The following ZBTB20 variants were observed in gnomAD, a reference collection of about 807,000 sequenced individuals.
ZBTB20 encodes the protein zinc finger and BTB domain containing 20.
Under a neutral mutation model 56.9 loss-of-function variants are expected in ZBTB20, and 9 were observed. The ratio of observed to expected loss-of-function variants is 0.16; its 90% CI spans 0.10 to 0.28. The LOEUF (loss-of-function observed/expected upper bound fraction) is 0.28. Ranked by LOEUF, ZBTB20 falls within the 10% of genes least tolerant of loss-of-function variation. The pLI, the probability that ZBTB20 is intolerant of heterozygous loss-of-function variation, is 1.00. For missense variants in ZBTB20, 655 were observed against 1,003.0 expected (o/e 0.65, Z 4.69); for synonymous variants, 417 against 420.7 (o/e 0.99, Z 0.11).
At chr3:115,146,240 T>C (rs55654288) in intron 1 of ZBTB20, among the ~76,000 whole-genome samples, 1 of 152,196 alleles carries the variant, frequency 6.6e-6, no homozygotes, top group Non-Finnish European at 1.5e-5. Context: ...CTGTACGCCA[T>C]ATTGTGTTTT....
At position 114,322,119 on chromosome 3, in the gene ZBTB20, A is replaced by G. The variant is rs1182606857; in HGVS notation, c.*16886T>C. 6.6e-6 allele frequency: 1 copy of G among 152,228 alleles called. No homozygotes were observed. Among genetic ancestry groups the G allele is most frequent in the East Asian group, 1.9e-4 (1 of 5,202 alleles). 9.4% of individuals were successfully genotyped at this position (152,228 alleles called of 1,614,324 possible). ...TCACTGCTGTTGGCTCTGGCCATAC[A>G]GAACCCTGATCTGCACTGTGTACAT... is the stretch of plus-strand genomic sequence containing the variant. On this transcript the variant is annotated 3_prime_UTR_variant, in exon 12 of 12. Coordinates refer to ENST00000675478, the MANE Select transcript of ZBTB20 (RefSeq NM_001348800.3).
intron 4 of ZBTB20, among the ~76,000 whole-genome samples, chr3:114,817,418 T>C (rs1423259135): frequency 6.6e-6 from 1 of 151,944 alleles, no homozygotes; most frequent in African/African-American, 2.4e-5. Flanking sequence ...CTCAGGAAGC[T>C]GAGGCAGGAG....
intron 2 of ZBTB20, among the ~76,000 whole-genome samples, chr3:115,023,645 CT>C (rs2080296940): frequency 6.6e-6 from 1 of 150,812 alleles, no homozygotes; most frequent in African/African-American, 2.4e-5. Context: ...ACTCTTTGTA[CT>C]TTTTTCCTTT....
chr3:115,126,999 ACTT>A (rs2084351189), intron 1 of ZBTB20, among the ~76,000 whole-genome samples: 1 of 152,240 alleles, frequency 6.6e-6, no homozygotes, highest in African/African-American at 2.4e-5. Context: ...ATTTAGTAGT[ACTT>A]CTCACACTTT....
chr3:114,779,898 C>T (rs1264675692), intron 5 of ZBTB20, among the ~76,000 whole-genome samples: 2 of 152,160 alleles, frequency 1.3e-5, no homozygotes, highest in African/African-American at 4.8e-5. Flanking sequence ...ATAAACACCC[C>T]TTGATTACAC....
At chr3:114,426,662 C>T (rs1251306165) in intron 7 of ZBTB20, among the ~76,000 whole-genome samples, 1 of 152,170 alleles carries the variant, frequency 6.6e-6, no homozygotes, top group East Asian at 1.9e-4. Context: ...GGAATAATCC[C>T]TCATGCACTG....
chr3:114,483,621 A>T (rs2041793111), intron 7 of ZBTB20, among the ~76,000 whole-genome samples: 1 of 152,192 alleles, frequency 6.6e-6, no homozygotes. Flanking sequence ...CCAGAAATTT[A>T]GAAAATGCAG....
intron 5 of ZBTB20, among the ~76,000 whole-genome samples, chr3:114,766,529 GTA>G (rs1491027521): frequency 2.0e-5 from 3 of 149,070 alleles, no homozygotes; most frequent in East Asian, 2.0e-4. Context: ...GTGTGTGTGT[GTA>G]TAAGCTAAGC....
intron 6 of ZBTB20, among the ~76,000 whole-genome samples, chr3:114,667,147 C>T (rs190540795): frequency 4.6e-5 from 7 of 152,050 alleles, no homozygotes; most frequent in East Asian, 1.9e-4. Flanking sequence ...CAGACCATGG[C>T]GATGACCTTG....
intron 4 of ZBTB20, among the ~76,000 whole-genome samples, chr3:114,818,660 A>T (rs2073077296): frequency 2.6e-5 from 4 of 152,050 alleles, no homozygotes; most frequent in Admixed American, 2.6e-4. Flanking sequence ...GGATTCAGAA[A>T]ATAGTATGTT....
intron 7 of ZBTB20, among the ~76,000 whole-genome samples, chr3:114,391,289 TA>T (rs2085851123): frequency 6.6e-6 from 1 of 152,220 alleles, no homozygotes; most frequent in South Asian, 2.1e-4. Context: ...CTCAGTTTGG[TA>T]TTCAAAGCTG....
At chr3:115,019,813 G>T (rs2108298124) in intron 2 of ZBTB20, among the ~76,000 whole-genome samples, 1 of 151,348 alleles carries the variant, frequency 6.6e-6, no homozygotes, top group Non-Finnish European at 1.5e-5. Context: ...ACATAAAACT[G>T]CAAAGAAAAT....
rs2078932503 is a variant in ZBTB20, at chr3:114,322,572, G to C, written c.*16433C>G. On this transcript the variant is annotated 3_prime_UTR_variant, in exon 12 of 12. Coordinates refer to ENST00000675478, the MANE Select transcript of ZBTB20 (RefSeq NM_001348800.3). ...GCCTCAAGAGAAGTATCCTAGGACAGTTAATGTGAATATATTTTAAAAAGT... is the reference window on the plus strand; with the variant it reads ...GCCTCAAGAGAAGTATCCTAGGACACTTAATGTGAATATATTTTAAAAAGT... 1 of 152,210 alleles carries C rather than the reference G, an allele frequency of 6.6e-6. No individual in the cohort carries two copies. The highest frequency in any genetic ancestry group is 6.5e-5 in the Admixed American group (1 of 15,280). 9.4% of individuals were successfully genotyped at this position (152,210 alleles called of 1,614,324 possible). A position where few individuals can be genotyped will look rare whatever the true frequency, so the allele number is the denominator to read the frequency against.
At chr3:115,069,158 T>C (rs1414000055) in intron 2 of ZBTB20, among the ~76,000 whole-genome samples, 1 of 152,288 alleles carries the variant, frequency 6.6e-6, no homozygotes, top group South Asian at 2.1e-4. Flanking sequence ...GATTCATTAA[T>C]GAAAACTTAC....
In ZBTB20 at chr3:115,077,988, T is replaced by G. The variant is rs139129723; in HGVS notation, c.-702-6574A>C. 1.4e-3 allele frequency among the ~76,000 whole-genome samples: 219 copies of G among 152,278 alleles called. 1 individual carries two copies. Among genetic ancestry groups the G allele is most frequent in the Admixed American group, 3.5e-3 (54 of 15,298 alleles). On this transcript the variant is annotated intron_variant, in intron 1 of 11. Transcript: ENST00000675478. The stretch of plus-strand genomic sequence containing the variant: ...TCATTTAATCCTCAGGACAACCCAA[T>G]AGGTACTACTTTTAGCCTCAATTTG...
chr3:114,481,858 G>A (rs1404427970), intron 7 of ZBTB20, among the ~76,000 whole-genome samples: 3 of 152,190 alleles, frequency 2.0e-5, no homozygotes, highest in African/African-American at 7.2e-5. Flanking sequence ...AAACCACAAA[G>A]GAAATGTGGC....
intron 7 of ZBTB20, among the ~76,000 whole-genome samples, chr3:114,476,886 A>C (rs1374580318): frequency 6.6e-6 from 1 of 152,226 alleles, no homozygotes; most frequent in East Asian, 1.9e-4. Flanking sequence ...TGCCTGGATC[A>C]AAGTCTTACC....
chr3:114,942,694 A>G lies in ZBTB20; in HGVS notation c.-456+31672T>C, dbSNP rs554746268. Among the ~76,000 whole-genome samples, 75 of 146,252 alleles carry G rather than the reference A, an allele frequency of 5.1e-4. 6 individuals are homozygous for G. In the South Asian group the frequency reaches 0.016, roughly 31 times the overall value. On this transcript the variant is annotated intron_variant, in intron 3 of 11. Transcript: ENST00000675478. ...CCAGGCACCAACCAAAGTAATTTCA[A>G]TTTAAAACTCAATAGTCTATAAAGG...
intron 6 of ZBTB20, among the ~76,000 whole-genome samples, chr3:114,625,372 T>C (rs1177622402): frequency 6.6e-6 from 1 of 152,146 alleles, no homozygotes; most frequent in East Asian, 1.9e-4. Context: ...CTCCCAAACT[T>C]GAATTAAGAA....
Sources: allele counts gnomAD v4.1 joint callset (sites outside exome capture counted in the v4.1 genomes callset), GRCh38; gene constraint gnomAD v4.1.1; transcripts MANE v1.5; gene names NCBI Gene and HGNC (gene_info 2026-07-23, HGNC 2026-07-21).